The following UVRAG variants were observed in gnomAD, a reference collection of about 807,000 sequenced individuals.
UVRAG encodes the protein UV radiation resistance-associated gene protein.
A neutral mutation model predicts 78.0 loss-of-function variants in UVRAG; 19 were observed. The observed-to-expected ratio is 0.24, with a 90% confidence interval of 0.17 to 0.36. UVRAG has a LOEUF of 0.36. UVRAG is among the 10% of genes least tolerant of loss of function. The pLI, the probability that UVRAG is intolerant of heterozygous loss-of-function variation, is 1.00. For synonymous variants in UVRAG, 323 were observed against 324.6 expected, an observed-to-expected ratio of 1.00 and a Z score of 0.05; for missense variants, 740 against 853.8, an observed-to-expected ratio of 0.87 and a Z score of 1.66.
chr11:75,833,030 C>T (rs1047995234), intron 1 of UVRAG, among the ~76,000 whole-genome samples: 1 of 152,028 alleles, frequency 6.6e-6, no homozygotes, highest in Non-Finnish European at 1.5e-5. Context: ...TAAAGGGTCA[C>T]GTATGCCGTG....
chr11:76,127,215 G>A (rs189569240), intron 14 of UVRAG, among the ~76,000 whole-genome samples: 1 of 152,204 alleles, frequency 6.6e-6, no homozygotes, highest in Non-Finnish European at 1.5e-5. Flanking sequence ...TTTCGGTAAT[G>A]TCTGAAAGAT....
intron 1 of UVRAG, among the ~76,000 whole-genome samples, chr11:75,823,707 C>T (rs953713686): frequency 1.4e-4 from 21 of 152,300 alleles, no homozygotes; most frequent in African/African-American, 4.1e-4. Flanking sequence ...CCTAGACACC[C>T]ATTCTTTGCA....
intron 2 of UVRAG, among the ~76,000 whole-genome samples, chr11:75,855,574 G>A (rs1946269908): frequency 1.3e-5 from 2 of 152,118 alleles, no homozygotes; most frequent in South Asian, 2.1e-4. Flanking sequence ...CTTGTTGGTC[G>A]GACCTATTAT....
At chr11:76,036,744 AAC>A (rs1950542881) in intron 12 of UVRAG, among the ~76,000 whole-genome samples, 1 of 152,042 alleles carries the variant, frequency 6.6e-6, no homozygotes, top group African/African-American at 2.4e-5. Flanking sequence ...TAAAAAAAAA[AAC>A]ACAGACAATA....
intron 14 of UVRAG, among the ~76,000 whole-genome samples, chr11:76,140,129 C>G (rs1390888901): frequency 1.2e-5 from 1 of 83,294 alleles, no homozygotes; most frequent in Non-Finnish European, 2.2e-5. Context: ...CTCTCTCTCT[C>G]TCTCTCTCTC....
chr11:76,005,118 C>T (rs1008790601), intron 9 of UVRAG, among the ~76,000 whole-genome samples: 2 of 152,052 alleles, frequency 1.3e-5, no homozygotes, highest in African/African-American at 4.8e-5. Context: ...CCGAGGCAGG[C>T]AGAGCATGCA....
At chr11:76,124,222 TTAAG>T (rs1416611887) in intron 14 of UVRAG, among the ~76,000 whole-genome samples, 2 of 152,244 alleles carry the variant, frequency 1.3e-5, no homozygotes, top group Non-Finnish European at 2.9e-5. Context: ...TTGATTATTA[TTAAG>T]TATTAAAGAA....
At chr11:76,028,321 C>G (rs1484247644) in intron 12 of UVRAG, among the ~76,000 whole-genome samples, 1 of 152,034 alleles carries the variant, frequency 6.6e-6, no homozygotes, top group African/African-American at 2.4e-5. Context: ...CCCTGAGACA[C>G]AACATTATTG....
intron 12 of UVRAG, among the ~76,000 whole-genome samples, chr11:76,024,084 A>G (rs748902371): frequency 5.3e-5 from 8 of 152,206 alleles, no homozygotes; most frequent in African/African-American, 1.9e-4. Flanking sequence ...TAGTGCCGTA[A>G]TGTTCAAATT....
intron 14 of UVRAG, among the ~76,000 whole-genome samples, chr11:76,128,394 G>A (rs188823175): frequency 6.2e-4 from 95 of 152,244 alleles, no homozygotes; most frequent in African/African-American, 1.6e-3. Flanking sequence ...CCATGAAACC[G>A]GTCCCTGCTG....
At chr11:75,842,965 T>A (rs947425787) in intron 1 of UVRAG, among the ~76,000 whole-genome samples, 1 of 152,216 alleles carries the variant, frequency 6.6e-6, no homozygotes, top group Non-Finnish European at 1.5e-5. Flanking sequence ...AGAACCATAC[T>A]ACTTTTGTTT....
At chr11:75,875,711 A>G (rs942430108) in intron 3 of UVRAG, among the ~76,000 whole-genome samples, 25 of 150,484 alleles carry the variant, frequency 1.7e-4, no homozygotes, top group African/African-American at 5.9e-4. Flanking sequence ...TGTCATGGCA[A>G]CTTTCCCTAC....
At chr11:75,825,784 A>G (rs1269539838) in intron 1 of UVRAG, among the ~76,000 whole-genome samples, 2 of 151,530 alleles carry the variant, frequency 1.3e-5, no homozygotes, top group Non-Finnish European at 2.9e-5. Flanking sequence ...AATAAACAGA[A>G]CCTGGGTCTT....
intron 5 of UVRAG, among the ~76,000 whole-genome samples, chr11:75,897,842 A>G (rs1342609111): frequency 1.5e-5 from 2 of 136,672 alleles, no homozygotes; most frequent in Non-Finnish European, 3.1e-5. Context: ...ATCTCTATAT[A>G]TCTATATACT....
rs1027581427 is a variant in UVRAG, at chr11:75,961,505, G to C, written c.655G>C (p.Glu219Gln). Residue 219 changes from glutamate (E) to glutamine (Q), a missense_variant, in exon 7 of 15, where the codon GAA (glutamate) becomes CAA (glutamine). Glu to Gln is a conservative substitution (Grantham distance 29). Transcript: ENST00000356136. ...TQVTVQKIGK[E>Q]IEEKLRLTST... ...GGTAACTGTTCAGAAAATTGGAAAG[G>C]AAATTGAAGAAAAACTAAGACTCAC... 1.2e-6 allele frequency: 2 copies of C among 1,607,268 alleles called. No homozygotes were observed. Among genetic ancestry groups the C allele is most frequent in the Non-Finnish European group, 1.7e-6 (2 of 1,178,474 alleles).
intron 5 of UVRAG, among the ~76,000 whole-genome samples, chr11:75,893,193 AAAGAAGAATTATTCCTTCCTAAAACAAAC>A (rs1171784547): frequency 1.3e-5 from 2 of 152,012 alleles, no homozygotes; most frequent in Non-Finnish European, 2.9e-5. Flanking sequence ...AAAAAGAAAA[AAAGAAGAATTATTCCTTCCTAAAACAAAC>A]AAGAAACCAA....
intron 7 of UVRAG, among the ~76,000 whole-genome samples, chr11:75,973,552 C>G (rs1358456434): frequency 6.7e-6 from 1 of 149,148 alleles, no homozygotes; most frequent in Admixed American, 6.6e-5. Flanking sequence ...TTCTGAAGAA[C>G]TGGAATTGTT....
intron 3 of UVRAG, among the ~76,000 whole-genome samples, chr11:75,877,829 A>C (rs1184829663): frequency 6.3e-5 from 6 of 95,080 alleles, no homozygotes; most frequent in Non-Finnish European, 1.0e-4. Flanking sequence ...GGCGCCCCTC[A>C]CCTCCCGGAC....
intron 13 of UVRAG, among the ~76,000 whole-genome samples, chr11:76,110,849 A>G (rs1195753941): frequency 6.6e-6 from 1 of 152,050 alleles, no homozygotes; most frequent in Non-Finnish European, 1.5e-5. Flanking sequence ...TCCCATATAT[A>G]TATATGAGAC....
Sources: gnomAD v4.1 joint callset for allele counts (sites outside exome capture counted in the v4.1 genomes callset) on GRCh38, gnomAD v4.1.1 for gene constraint, MANE v1.5 for transcripts, NCBI Gene and HGNC (gene_info 2026-07-23, HGNC 2026-07-21) for gene names.